Variants in PTPRF observed in about 807,000 individuals in gnomAD.
PTPRF encodes receptor-type tyrosine-protein phosphatase F.
Under a neutral mutation model 201.8 loss-of-function variants are expected in PTPRF, and 59 were observed. That is an observed-to-expected ratio of 0.29 (90% confidence interval 0.24 to 0.36). PTPRF has a LOEUF of 0.36. Ranked by LOEUF, PTPRF falls within the 10% of genes least tolerant of loss-of-function variation. The probability of loss-of-function intolerance (pLI) is 1.00; values close to 1 mark genes in which losing one functional copy is unlikely to be tolerated. For missense variants in PTPRF, 2,132 were observed against 2,690.5 expected, an observed-to-expected ratio of 0.79 and a Z score of 4.59; for synonymous variants, 1,088 against 1,089.7, an observed-to-expected ratio of 1.00 and a Z score of 0.03.
At chr1:43,587,230 G>C (rs963345495) in intron 7 of PTPRF, among the ~76,000 whole-genome samples, 6 of 152,202 alleles carry the variant, frequency 3.9e-5, no homozygotes, top group African/African-American at 1.4e-4. Flanking sequence ...CATCAGATTT[G>C]TGCCAGCTGT....
At chr1:43,551,499 A>G (rs1418942530) in intron 3 of PTPRF, among the ~76,000 whole-genome samples, 1 of 152,088 alleles carries the variant, frequency 6.6e-6, no homozygotes, top group Non-Finnish European at 1.5e-5. Flanking sequence ...TGGTCCCTAC[A>G]GCCTCCCTGA....
chr1:43,613,425 A>G (rs1656971299), intron 22 of PTPRF, 193 bp from the exon 23 acceptor site: 4 of 581,820 alleles, frequency 6.9e-6, no homozygotes, highest in Non-Finnish European at 1.3e-5. Flanking sequence ...TGCTCATGGC[A>G]CAACACCGCC....
Position 43,609,246 on chromosome 1 carries a change from C to T in PTPRF, c.3858-137C>T, listed in dbSNP as rs956187275. 3.5e-5 allele frequency: 24 copies of T among 680,492 alleles called. No homozygotes were observed. The Middle Eastern group carries it at 7.4e-4, about 21-fold the overall frequency. The allele number at this position is 680,492 out of a possible 1,614,324, so 42.2% of individuals were successfully genotyped here. On this transcript the variant is annotated intron_variant, in intron 21 of 33. Coordinates refer to ENST00000359947, the MANE Select transcript of PTPRF (RefSeq NM_002840.5). ...GTTCTGGCCCTGGCTCCTCCGCGCT[C>T]AGAGATCCTGGGAAGAGGTGGGGCA...
At chr1:43,522,109 C>T (rs1262380672), upstream of PTPRF, among the ~76,000 whole-genome samples, 1 of 152,194 alleles carries the variant, frequency 6.6e-6, no homozygotes, top group African/African-American at 2.4e-5. Flanking sequence ...TGGCTTCTTC[C>T]CCTTCTCTGT....
intron 16 of PTPRF, among the ~76,000 whole-genome samples, 154 bp from the exon 17 acceptor site, chr1:43,604,749 T>C (rs2154025287): frequency 6.6e-6 from 1 of 152,338 alleles, no homozygotes; most frequent in South Asian, 2.1e-4. Flanking sequence ...CGTTTGAAGC[T>C]GGCTGGGAGT....
At position 43,558,654 on chromosome 1, in the gene PTPRF, C is replaced by G. The variant is rs369803666; in HGVS notation, c.379+4713C>G. Among the ~76,000 whole-genome samples the G allele has an allele frequency of 1.8e-3, 269 of 152,324 alleles. 2 individuals are homozygous for G. The highest frequency in any genetic ancestry group is 6.1e-3 in the African/African-American group (255 of 41,578). ...AATGGCAGGAAAAGCTCTTCTCGCT[C>G]CGCACTCTTGAGGCGGCGGCTGAAT... On this transcript the variant is annotated intron_variant, in intron 5 of 33. Coordinates refer to ENST00000359947, the MANE Select transcript of PTPRF (RefSeq NM_002840.5).
At chr1:43,605,487 T>C (rs774032913) in intron 18 of PTPRF, 42 bp from the exon 19 acceptor site, 4 of 1,608,514 alleles carry the variant, frequency 2.5e-6, no homozygotes, top group Non-Finnish European at 8.5e-7. Context: ...GGGCTGGAGG[T>C]AACCAGCAGT....
rs759978013 is a variant in PTPRF, at chr1:43,604,120, G to T, written c.2968G>T (p.Ala990Ser). Residue 990 changes from alanine to serine, a missense_variant, in exon 16 of 34, where the codon GCA (alanine) becomes TCA (serine). Transcript: ENST00000359947. ...PDTTYDIKVR[A>S]WTSKGSGPLS... is the part of the protein sequence containing the mutation. ...CACCACTTACGACATCAAGGTCCGC[G>T]CATGGACCAGCAAAGGCTCTGGCCC... The T allele has an allele frequency of 2.5e-6, 4 of 1,614,052 alleles. No individual in the cohort carries two copies. The highest frequency in any genetic ancestry group is 3.4e-6 in the Non-Finnish European group (4 of 1,180,058).
At chr1:43,600,975 A>G (rs1653611355) in intron 13 of PTPRF, among the ~76,000 whole-genome samples, 1 of 152,146 alleles carries the variant, frequency 6.6e-6, no homozygotes, top group Non-Finnish European at 1.5e-5. Context: ...GTCTCCCCGC[A>G]GGCAAGGAGA....
chr1:43,552,809 C>T (rs1645117702), intron 3 of PTPRF, among the ~76,000 whole-genome samples: 1 of 152,244 alleles, frequency 6.6e-6, no homozygotes, highest in South Asian at 2.1e-4. Flanking sequence ...TCTTCTCCTC[C>T]CTCTGCCTCC....
chr1:43,526,718 G>T (rs1643131147), upstream of PTPRF, among the ~76,000 whole-genome samples: 1 of 152,194 alleles, frequency 6.6e-6, no homozygotes, highest in African/African-American at 2.4e-5. Context: ...CAACTGCGGG[G>T]GCCTGTGGGA....
chr1:43,573,700 C>T (rs12411029), intron 6 of PTPRF, among the ~76,000 whole-genome samples: 1 of 152,256 alleles, frequency 6.6e-6, no homozygotes, highest in Non-Finnish European at 1.5e-5. Context: ...ATGCTGACTT[C>T]TGGGCCCCTT....
chr1:43,555,345 C>T (rs1645291311), intron 5 of PTPRF, among the ~76,000 whole-genome samples: 2 of 151,022 alleles, frequency 1.3e-5, no homozygotes, highest in Admixed American at 1.3e-4. Flanking sequence ...AATGGGACCA[C>T]ATACTGTCCG....
At position 43,621,960 on chromosome 1, in the gene PTPRF, C is replaced by A; in HGVS notation, c.5681C>A (p.Ala1894Glu). The change falls in exon 34 of 34, where the codon GCG becomes GAG. Residue 1894 changes from alanine to glutamate, a missense_variant. Transcript: ENST00000359947. The stretch of plus-strand genomic sequence containing the variant: ...GACCAGTATCAGCTGTGCTACCGTG[C>A]GGCCCTGGAGTACCTCGGCAGCTTT... ...TEDQYQLCYR[A>E]ALEYLGSFDH... The A allele has an allele frequency of 6.2e-7, 1 of 1,614,108 alleles. No individual in the cohort carries two copies.
At chr1:43,541,637 C>G (rs114645329) in intron 2 of PTPRF, among the ~76,000 whole-genome samples, 1 of 152,152 alleles carries the variant, frequency 6.6e-6, no homozygotes, top group Non-Finnish European at 1.5e-5. Flanking sequence ...ATCTGCTGTC[C>G]CCATCATTTC....
intron 3 of PTPRF, among the ~76,000 whole-genome samples, chr1:43,548,882 C>G (rs556584698): frequency 1.8e-4 from 27 of 152,362 alleles, no homozygotes; most frequent in African/African-American, 6.3e-4. Context: ...AGCAGTCAGT[C>G]TCTCCATAGA....
upstream of PTPRF, among the ~76,000 whole-genome samples, chr1:43,526,825 G>A (rs1037705664): frequency 4.6e-5 from 7 of 152,206 alleles, no homozygotes; most frequent in Admixed American, 1.3e-4. Flanking sequence ...GCAAAAAATA[G>A]TGGAAGCCCT....
intron 16 of PTPRF, 91 bp from the exon 17 acceptor site, chr1:43,604,812 G>A (rs1654648090): frequency 2.8e-6 from 3 of 1,079,210 alleles, no homozygotes; most frequent in African/African-American, 1.5e-5. Context: ...CCCAACCAGT[G>A]TCTCATCCTG....
At chr1:43,597,587 G>A (rs1268450034) in intron 11 of PTPRF, among the ~76,000 whole-genome samples, 161 bp from the exon 12 acceptor site, 1 of 152,160 alleles carries the variant, frequency 6.6e-6, no homozygotes, top group African/African-American at 2.4e-5. Flanking sequence ...GGTGTCCTTG[G>A]CGAGAGTGGC....
Sources: gnomAD v4.1 joint callset for allele counts (sites outside exome capture counted in the v4.1 genomes callset) on GRCh38, gnomAD v4.1.1 for gene constraint, MANE v1.5 for transcripts, NCBI Gene and HGNC (gene_info 2026-07-23, HGNC 2026-07-21) for gene names.